SRPK2: variants seen among roughly 807,000 people sequenced by gnomAD.
The protein encoded by SRPK2 is SFRS protein kinase 2.
SRPK2 carries 21 observed loss-of-function variants against 90.8 expected under a neutral mutation model. That is an observed-to-expected ratio of 0.23 (90% CI 0.16 to 0.33). The LOEUF is 0.33. Ranked by LOEUF, SRPK2 falls within the 10% of genes least tolerant of loss-of-function variation. The probability of loss-of-function intolerance (pLI) is 1.00; values close to 1 mark genes in which losing one functional copy is unlikely to be tolerated. For synonymous variants in SRPK2, 288 were observed against 311.1 expected, an observed-to-expected ratio of 0.93 and a Z score of 0.78; for missense variants, 620 against 869.0, an observed-to-expected ratio of 0.71 and a Z score of 3.60.
intron 3 of SRPK2, among the ~76,000 whole-genome samples, chr7:105,178,569 G>A (rs953244252): frequency 2.6e-5 from 4 of 152,076 alleles, no homozygotes; most frequent in East Asian, 1.9e-4. Context: ...GGCTCACGCC[G>A]CTGATAATCA....
chr7:105,353,401 G>A (rs1320421963), intron 2 of SRPK2, among the ~76,000 whole-genome samples: 2 of 152,006 alleles, frequency 1.3e-5, no homozygotes, highest in Non-Finnish European at 2.9e-5. Flanking sequence ...ATGCAGTGGT[G>A]CAATCATGGC....
intron 2 of SRPK2, among the ~76,000 whole-genome samples, chr7:105,350,487 C>A (rs1044913028): frequency 2.7e-5 from 4 of 150,308 alleles, no homozygotes; most frequent in African/African-American, 9.8e-5. Context: ...TGAATTTTTA[C>A]TTGATCCTCA....
intron 2 of SRPK2, among the ~76,000 whole-genome samples, chr7:105,371,211 C>T (rs1218811012): frequency 6.7e-6 from 1 of 150,314 alleles, no homozygotes; most frequent in African/African-American, 2.5e-5. Flanking sequence ...CAAGACCAGC[C>T]TGGCCAACAT....
At chr7:105,228,430 A>T (rs1367989675) in intron 2 of SRPK2, among the ~76,000 whole-genome samples, 1 of 152,244 alleles carries the variant, frequency 6.6e-6, no homozygotes, top group African/African-American at 2.4e-5. Flanking sequence ...ATTTCTGGAT[A>T]CTAACACAAA....
intron 2 of SRPK2, among the ~76,000 whole-genome samples, chr7:105,324,639 C>A (rs1407784620): frequency 6.6e-6 from 1 of 152,186 alleles, no homozygotes; most frequent in African/African-American, 2.4e-5. Context: ...CCATCCCCAG[C>A]ACTTTGGGAG....
Position 105,203,552 on chromosome 7 carries a change from T to C in SRPK2, c.229+76A>G. Reference sequence around the variant, plus strand: ...AATTTGCATCACTACCTCCTCCCCTTGTCCATTCCCCCAACAAATTACTAC... The same window carrying C: ...AATTTGCATCACTACCTCCTCCCCTCGTCCATTCCCCCAACAAATTACTAC... On this transcript the variant is annotated intron_variant, in intron 3 of 15. Transcript: ENST00000393651. The C allele has an allele frequency of 4.3e-6, 6 of 1,382,852 alleles. No homozygotes were observed. In the South Asian group the frequency reaches 1.0e-4, roughly 23 times the overall value. 85.7% of individuals were successfully genotyped at this position (1,382,852 alleles called of 1,614,324 possible). A position where few individuals can be genotyped will look rare whatever the true frequency, so the allele number is the denominator to read the frequency against.
chr7:105,371,575 C>G (rs144780108), intron 2 of SRPK2, among the ~76,000 whole-genome samples: 147 of 125,258 alleles, frequency 1.2e-3, no homozygotes, highest in African/African-American at 3.0e-3. Flanking sequence ...AACAGTGAGA[C>G]CCCATCTCTA....
At position 105,127,103 on chromosome 7, in the gene SRPK2, G is replaced by A. The variant is rs1801316218; in HGVS notation, c.1753-41C>T. 4.4e-6 allele frequency: 7 copies of A among 1,599,018 alleles called. No individual in the cohort carries two copies. The East Asian group carries it at 1.6e-4, about 36-fold the overall frequency. On this transcript the variant is annotated intron_variant, in intron 13 of 15. Coordinates refer to ENST00000393651, the MANE Select transcript of SRPK2 (RefSeq NM_182692.3). The stretch of plus-strand genomic sequence containing the variant: ...CGACATGCTAAGCACTTCAGAGACT[G>A]GCCCCCAAGTCAACAGCTTTTTCTC...
At chr7:105,170,661 T>C (rs1329566828) in intron 3 of SRPK2, among the ~76,000 whole-genome samples, 1 of 147,822 alleles carries the variant, frequency 6.8e-6, no homozygotes, top group African/African-American at 2.5e-5. Context: ...GCCACTGCAC[T>C]CCAGCCTGGG....
At chr7:105,365,222 C>G (rs1818885620) in intron 2 of SRPK2, among the ~76,000 whole-genome samples, 1 of 152,074 alleles carries the variant, frequency 6.6e-6, no homozygotes, top group Admixed American at 6.6e-5. Context: ...CAGTGGCTCA[C>G]GCCTGTAATC....
intron 4 of SRPK2, among the ~76,000 whole-genome samples, chr7:105,168,902 T>C (rs1287582358): frequency 6.6e-6 from 1 of 151,922 alleles, no homozygotes; most frequent in African/African-American, 2.4e-5. Context: ...ACTAGAAAAA[T>C]AATATAATCC....
chr7:105,264,191 T>A (rs1490037331), intron 2 of SRPK2, among the ~76,000 whole-genome samples: 1 of 152,220 alleles, frequency 6.6e-6, no homozygotes, highest in African/African-American at 2.4e-5. Flanking sequence ...GCCCTTTACT[T>A]CTTTCTCTCT....
At chr7:105,379,749 C>A (rs1197320545) in intron 2 of SRPK2, among the ~76,000 whole-genome samples, 5 of 151,978 alleles carry the variant, frequency 3.3e-5, no homozygotes, top group African/African-American at 1.2e-4. Flanking sequence ...GAAGCCGAGG[C>A]GGGCAGATCA....
chr7:105,164,899 G>C (rs888732679), intron 6 of SRPK2, among the ~76,000 whole-genome samples: 10 of 152,172 alleles, frequency 6.6e-5, no homozygotes, highest in African/African-American at 1.2e-4. Flanking sequence ...AAAGAAGCCA[G>C]AAGACCACAG....
At chr7:105,254,002 C>A (rs962439528) in intron 2 of SRPK2, among the ~76,000 whole-genome samples, 5 of 152,156 alleles carry the variant, frequency 3.3e-5, no homozygotes, top group Non-Finnish European at 5.9e-5. Flanking sequence ...GAAATCCTTA[C>A]AAAATTTAGA....
chr7:105,125,199 G>A (rs1052797389), intron 15 of SRPK2, among the ~76,000 whole-genome samples: 2 of 151,580 alleles, frequency 1.3e-5, no homozygotes, highest in African/African-American at 4.9e-5. Context: ...TAGGGCTCTT[G>A]GGTGTTTTTA....
At chr7:105,266,708 T>C (rs188910374) in intron 2 of SRPK2, among the ~76,000 whole-genome samples, 39 of 152,250 alleles carry the variant, frequency 2.6e-4, no homozygotes, top group Non-Finnish European at 3.4e-4. Flanking sequence ...ACAAGGAATT[T>C]AAGAATGTAA....
chr7:105,344,406 CCTTT>C lies in SRPK2; in HGVS notation c.71+44238_71+44241del, dbSNP rs1471806690. 7.8e-4 allele frequency among the ~76,000 whole-genome samples: 100 copies of C among 128,634 alleles called. 4 individuals carry two copies. In the East Asian group the frequency reaches 9.3e-3, roughly 12 times the overall value. The allele number at this position is 128,634 out of a possible 152,430, so 84.4% of individuals were successfully genotyped here. A position where few individuals can be genotyped will look rare whatever the true frequency, so the allele number is the denominator to read the frequency against. ...AGGACCCCAGGTGTATGCAGCCACA[CCTTT>C]TTTTTTTTTTTTTTTTTTTTTTTGG... On this transcript the variant is annotated intron_variant, in intron 2 of 15. Transcript: ENST00000393651.
At chr7:105,181,806 C>T (rs1792849657) in intron 3 of SRPK2, among the ~76,000 whole-genome samples, 1 of 150,916 alleles carries the variant, frequency 6.6e-6, no homozygotes, top group South Asian at 2.1e-4. Flanking sequence ...AATCTATACA[C>T]CAAATCCCCG....
Sources: allele counts gnomAD v4.1 joint callset (sites outside exome capture counted in the v4.1 genomes callset), GRCh38; gene constraint gnomAD v4.1.1; transcripts MANE v1.5; gene names NCBI Gene and HGNC (gene_info 2026-07-23, HGNC 2026-07-21).